The following DTNB variants were observed in gnomAD, a reference collection of about 807,000 sequenced individuals.
The protein encoded by DTNB is DTN-B.
A neutral mutation model predicts 90.7 loss-of-function variants in DTNB; 63 were observed. The ratio of observed to expected loss-of-function variants is 0.69; its 90% CI spans 0.57 to 0.86. The LOEUF is 0.86. Ranked by LOEUF, DTNB falls within the 40% of genes least tolerant of loss-of-function variation. The pLI, the probability that DTNB is intolerant of heterozygous loss-of-function variation, is 0.00. For synonymous variants in DTNB, 277 were observed against 286.7 expected (o/e 0.97, Z 0.34); for missense variants, 744 against 807.1 (o/e 0.92, Z 0.95).
rs1558771635 is a variant in DTNB, at chr2:25,377,507, C to T, written c.*76G>A. On this transcript the variant is annotated 3_prime_UTR_variant, in exon 21 of 21. Transcript: ENST00000406818. ...AGAGGAATGTGCCTCTGGGGGAAGA[C>T]CTTGCCTTCGCCATGTCGGCGCCAG... is the stretch of plus-strand genomic sequence containing the variant. 6.5e-6 allele frequency: 1 copy of T among 152,712 alleles called. No individual in the cohort carries two copies. The highest frequency in any genetic ancestry group is 1.5e-5 in the Non-Finnish European group (1 of 68,202). 9.5% of individuals were successfully genotyped at this position (152,712 alleles called of 1,614,324 possible).
At chr2:25,602,305 C>A (rs2066071321) in intron 5 of DTNB, among the ~76,000 whole-genome samples, 1 of 151,716 alleles carries the variant, frequency 6.6e-6, no homozygotes, top group African/African-American at 2.4e-5. Flanking sequence ...TCTTTTTTTC[C>A]CCTTATTCAT....
intron 9 of DTNB, among the ~76,000 whole-genome samples, chr2:25,502,205 A>G (rs2070902767): frequency 6.6e-6 from 1 of 152,020 alleles, no homozygotes; most frequent in Non-Finnish European, 1.5e-5. Flanking sequence ...AACAACAACA[A>G]CAACAACAAA....
intron 19 of DTNB, among the ~76,000 whole-genome samples, chr2:25,380,654 G>C (rs1244765687): frequency 2.0e-5 from 3 of 152,254 alleles, no homozygotes; most frequent in African/African-American, 7.2e-5. Flanking sequence ...GATGCAGACA[G>C]GGCAGTGCAG....
intron 10 of DTNB, among the ~76,000 whole-genome samples, chr2:25,473,973 C>A (rs1328961415): frequency 1.3e-5 from 2 of 152,202 alleles, no homozygotes; most frequent in African/African-American, 4.8e-5. Context: ...ACGCTCAGGA[C>A]CTCAAGCCTC....
intron 6 of DTNB, among the ~76,000 whole-genome samples, chr2:25,584,997 C>G (rs1021920704): frequency 1.3e-5 from 2 of 152,232 alleles, no homozygotes; most frequent in African/African-American, 4.8e-5. Flanking sequence ...GGCTTCCCAT[C>G]TCTAAAATTC....
intron 4 of DTNB, among the ~76,000 whole-genome samples, chr2:25,624,568 G>A (rs955597791): frequency 2.6e-5 from 4 of 152,206 alleles, no homozygotes; most frequent in Non-Finnish European, 5.9e-5. Context: ...CCCTCAGTTT[G>A]TCAGCCTATA....
At chr2:25,643,153 C>T (rs1347618705) in intron 2 of DTNB, among the ~76,000 whole-genome samples, 1 of 152,120 alleles carries the variant, frequency 6.6e-6, no homozygotes, top group East Asian at 1.9e-4. Context: ...CAAATTTCAC[C>T]TCACACCCAA....
intron 16 of DTNB, among the ~76,000 whole-genome samples, chr2:25,403,335 C>T (rs1194998454): frequency 2.0e-5 from 3 of 152,134 alleles, no homozygotes; most frequent in African/African-American, 4.8e-5. Flanking sequence ...AGGGTGGTCT[C>T]GAACTCCTGA....
intron 9 of DTNB, among the ~76,000 whole-genome samples, chr2:25,511,751 T>C (rs1479695504): frequency 6.6e-6 from 1 of 152,204 alleles, no homozygotes; most frequent in Non-Finnish European, 1.5e-5. Context: ...TTAATCAATT[T>C]CTCAAAATGA....
At chr2:25,642,030 C>T (rs2078432406) in intron 2 of DTNB, among the ~76,000 whole-genome samples, 1 of 152,128 alleles carries the variant, frequency 6.6e-6, no homozygotes, top group South Asian at 2.1e-4. Context: ...CCATGTTAGC[C>T]AGGATGATCT....
chr2:25,629,974 T>C (rs1485559538), intron 3 of DTNB, among the ~76,000 whole-genome samples: 1 of 152,156 alleles, frequency 6.6e-6, no homozygotes, highest in Admixed American at 6.5e-5. Context: ...AAAAAAATAT[T>C]TGTAAACCAT....
chr2:25,634,153 T>G (rs1431063490), intron 3 of DTNB, among the ~76,000 whole-genome samples: 1 of 113,084 alleles, frequency 8.8e-6, no homozygotes, highest in African/African-American at 3.6e-5. Context: ...ATCCGGGAGG[T>G]GAAGGGCGCC....
Position 25,387,217 on chromosome 2 carries a change from T to C in DTNB, c.1825+72A>G. On this transcript the variant is annotated intron_variant, in intron 18 of 20. Transcript: ENST00000406818. The surrounding 1 kb of genome is among the most constrained non-coding windows in gnomAD (Gnocchi z 4.5). Reference sequence around the variant, plus strand: ...CTGGGTGGTGAGGTTCTGCCGGTGCTGGCAAGGAAGTGAGAAGGGCGCGGG... The same window carrying C: ...CTGGGTGGTGAGGTTCTGCCGGTGCCGGCAAGGAAGTGAGAAGGGCGCGGG... 6.8e-7 allele frequency: 1 copy of C among 1,475,792 alleles called. No individual in the cohort carries two copies. 91.4% of individuals were successfully genotyped at this position (1,475,792 alleles called of 1,614,324 possible). A position where few individuals can be genotyped will look rare whatever the true frequency, so the allele number is the denominator to read the frequency against.
intron 9 of DTNB, among the ~76,000 whole-genome samples, chr2:25,517,947 G>A (rs534485827): frequency 6.9e-4 from 105 of 152,262 alleles, no homozygotes; most frequent in Non-Finnish European, 1.4e-3. Context: ...ATTATACTAA[G>A]TGAAATAAGC....
Position 25,531,467 on chromosome 2 carries a change from A to G in DTNB, c.1001+6T>C. 6.2e-6 allele frequency: 10 copies of G among 1,612,260 alleles called. No homozygotes were observed. Among genetic ancestry groups the G allele is most frequent in the Non-Finnish European group, 8.5e-6 (10 of 1,179,476 alleles). ...GATCCACATGCACATCCAGGGGTAT[A>G]CTTACACTATATGTGCAAGGTCAAG... On this transcript the variant is annotated splice_donor_region_variant and intron_variant, in intron 9 of 20. Transcript: ENST00000406818.
intron 8 of DTNB, among the ~76,000 whole-genome samples, chr2:25,563,964 C>T (rs1037022489): frequency 6.6e-6 from 1 of 152,046 alleles, no homozygotes; most frequent in Non-Finnish European, 1.5e-5. Flanking sequence ...GTGGTGCGTG[C>T]GATCTCAGCT....
chr2:25,460,711 T>C (rs2060799764), intron 10 of DTNB, among the ~76,000 whole-genome samples: 1 of 152,118 alleles, frequency 6.6e-6, no homozygotes, highest in Non-Finnish European at 1.5e-5. Flanking sequence ...AAGTCACCAG[T>C]GTGCTTGACA....
chr2:25,575,012 T>A (rs2060440908), intron 8 of DTNB, among the ~76,000 whole-genome samples: 1 of 152,084 alleles, frequency 6.6e-6, no homozygotes, highest in African/African-American at 2.4e-5. Context: ...CATAAAGCAG[T>A]ATCAGTCACT....
At chr2:25,408,371 C>T (rs1433050797) in intron 16 of DTNB, among the ~76,000 whole-genome samples, 3 of 150,544 alleles carry the variant, frequency 2.0e-5, no homozygotes, top group African/African-American at 4.9e-5. Context: ...CTCTACCTCC[C>T]CCAAAAAACC....
Sources: allele counts gnomAD v4.1 joint callset (sites outside exome capture counted in the v4.1 genomes callset), GRCh38; gene constraint gnomAD v4.1.1; non-coding constraint Gnocchi (gnomAD v3.1); transcripts MANE v1.5; gene names NCBI Gene and HGNC (gene_info 2026-07-23, HGNC 2026-07-21).